Variants in SCEL observed in about 807,000 individuals in gnomAD.
SCEL encodes sciellin.
In SCEL, 113 loss-of-function variants were observed where a neutral mutation model predicts 117.6. That is an observed-to-expected ratio of 0.96 (90% CI 0.83 to 1.12). SCEL has a LOEUF of 1.12. Ranked by LOEUF, SCEL falls within the 50% of genes most tolerant of loss-of-function variation. The pLI, the probability that SCEL is intolerant of heterozygous loss-of-function variation, is 0.00. For missense variants in SCEL, 785 were observed against 810.8 expected, an observed-to-expected ratio of 0.97 and a Z score of 0.39; for synonymous variants, 270 against 256.2, an observed-to-expected ratio of 1.05 and a Z score of -0.51.
intron 13 of SCEL, 75 bp downstream of exon 13, chr13:77,597,664 C>A: frequency 2.7e-6 from 2 of 743,158 alleles, no homozygotes. Context: ...AGTCTTTGAG[C>A]GTGAGGACCC....
chr13:77,640,106 G>A (rs912476646), intron 30 of SCEL, among the ~76,000 whole-genome samples: 16 of 152,116 alleles, frequency 1.1e-4, no homozygotes, highest in Admixed American at 3.3e-4. Flanking sequence ...ATTTTGTCAC[G>A]ATAGGTATCC....
intron 8 of SCEL, 22 bp downstream of exon 8, chr13:77,569,473 T>C (rs2085474179): frequency 6.4e-7 from 1 of 1,565,166 alleles, no homozygotes; most frequent in Non-Finnish European, 8.8e-7. Flanking sequence ...TCACTGTGTC[T>C]ACCTCTTGCT....
rs1308271704 is a variant in SCEL at position 77,541,708 on chromosome 13, T to A, written c.-20+5884T>A. ...CAGTGATTGATTAAAGGTGTCTGAT[T>A]TTTTTTTCCTTTCTTTATGCTTTCT... On this transcript the variant is annotated intron_variant, in intron 1 of 32. Transcript: ENST00000349847. Among the ~76,000 whole-genome samples, 3 of 152,174 alleles carry A rather than the reference T, an allele frequency of 2.0e-5. No homozygotes were observed. In the East Asian group the frequency reaches 5.8e-4, roughly 29 times the overall value.
At chr13:77,589,977 A>T (rs2086778151) in intron 10 of SCEL, among the ~76,000 whole-genome samples, 1 of 152,146 alleles carries the variant, frequency 6.6e-6, no homozygotes, top group Non-Finnish European at 1.5e-5. Flanking sequence ...TTATTGTGAG[A>T]TTAAAAAATA....
chr13:77,563,802 T>A (rs374892543), intron 4 of SCEL, 29 bp from the exon 5 acceptor site: 12 of 1,543,214 alleles, frequency 7.8e-6, no homozygotes, highest in South Asian at 2.4e-5. Context: ...ATTTGATTTT[T>A]TTTTTTTTGG....
At chr13:77,602,395 A>G (rs932032187) in intron 16 of SCEL, 24 of 480,682 alleles carry the variant, frequency 5.0e-5, no homozygotes, top group African/African-American at 4.5e-4. Flanking sequence ...ATTTTAATTT[A>G]AATTAAGAAA....
At chr13:77,553,722 A>G (rs1360125917) in intron 1 of SCEL, among the ~76,000 whole-genome samples, 1 of 151,824 alleles carries the variant, frequency 6.6e-6, no homozygotes, top group Non-Finnish European at 1.5e-5. Context: ...TCTGCTTGTC[A>G]AGGTGATAGA....
At position 77,623,469 on chromosome 13, in the gene SCEL, TTAAATAAA is replaced by T. The variant is rs930556011; in HGVS notation, c.1629-4463_1629-4456del. 3 of 152,100 alleles carry T rather than the reference TTAAATAAA, an allele frequency of 2.0e-5. No homozygotes were observed. The South Asian group carries it at 6.2e-4, about 32-fold the overall frequency. 9.4% of individuals were successfully genotyped at this position (152,100 alleles called of 1,614,324 possible). The stretch of plus-strand genomic sequence containing the variant: ...CTTCCATTGCTTCACTTGACTAGCC[TTAAATAAA>T]TAAATAAATAAATATTACTCTACCA... On this transcript the variant is annotated intron_variant, in intron 27 of 32. Coordinates refer to ENST00000349847, the MANE Select transcript of SCEL (RefSeq NM_144777.3).
chr13:77,597,475 A>T (rs888503586), intron 12 of SCEL, 70 bp from the exon 13 acceptor site: 2 of 840,572 alleles, frequency 2.4e-6, no homozygotes, highest in Non-Finnish European at 3.8e-6. Context: ...CTGTCATTTT[A>T]AGGCAAATTT....
At chr13:77,619,829 T>A in intron 27 of SCEL, among the ~76,000 whole-genome samples, 1 of 152,162 alleles carries the variant, frequency 6.6e-6, no homozygotes, top group East Asian at 1.9e-4. Flanking sequence ...TAACTGACAG[T>A]GAAAAATGTA....
chr13:77,582,775 T>C (rs1359054720), intron 9 of SCEL, among the ~76,000 whole-genome samples: 5 of 152,216 alleles, frequency 3.3e-5, no homozygotes, highest in African/African-American at 1.2e-4. Flanking sequence ...GCTTTTGTTA[T>C]TATGTTTAAG....
At chr13:77,633,442 C>CAAAAAAAAAA (rs59939208) in intron 28 of SCEL, among the ~76,000 whole-genome samples, 366 of 29,970 alleles carry the variant, frequency 0.012, 29 homozygotes, top group East Asian at 0.033. Flanking sequence ...GACTCCGCCT[C>CAAAAAAAAAA]AAAAAAAAAA....
At chr13:77,637,024 A>C in intron 29 of SCEL, 96 bp from the exon 30 acceptor site, 1 of 560,148 alleles carries the variant, frequency 1.8e-6, no homozygotes, top group Non-Finnish European at 3.2e-6. Context: ...ACAAAGATAA[A>C]ATATTATGAG....
At chr13:77,616,002 CTCTGTGTGTG>C (rs1427533361) in intron 24 of SCEL, among the ~76,000 whole-genome samples, 40 of 141,918 alleles carry the variant, frequency 2.8e-4, no homozygotes, top group East Asian at 6.0e-4. Flanking sequence ...ATTTATGTCT[CTCTGTGTGTG>C]TGTGTGTGTG....
At chr13:77,637,629 CA>C (rs2090368097) in intron 30 of SCEL, among the ~76,000 whole-genome samples, 1 of 152,042 alleles carries the variant, frequency 6.6e-6, no homozygotes, top group Admixed American at 6.6e-5. Flanking sequence ...CCTCCCAGGC[CA>C]GCCCCTCTGC....
chr13:77,609,099 C>T lies in SCEL; in HGVS notation c.1259C>T (p.Thr420Ile), dbSNP rs766500859. The change falls in exon 21 of 33, where the codon ACA (threonine) becomes ATA (isoleucine). Residue 420 changes from threonine (T) to isoleucine (I), a missense_variant. Transcript: ENST00000349847. The stretch of plus-strand genomic sequence containing the variant: ...AACTTCATCAAAGTGTATCCAGGAA[C>T]AGAAAAAAGTACTGAAGGGTAAGAT... Reference protein sequence around the residue: ...LNNFIKVYPGTEKSTEGGQSL... With the variant: ...LNNFIKVYPGIEKSTEGGQSL... 1.3e-6 allele frequency: 2 copies of T among 1,595,986 alleles called. No individual in the cohort carries two copies. Among genetic ancestry groups the T allele is most frequent in the Admixed American group, 3.7e-5 (2 of 54,540 alleles).
intron 29 of SCEL, among the ~76,000 whole-genome samples, chr13:77,634,843 A>G (rs2090199091): frequency 6.6e-6 from 1 of 152,228 alleles, no homozygotes; most frequent in African/African-American, 2.4e-5. Flanking sequence ...AATCTAAAAT[A>G]AGGGGTATAA....
chr13:77,593,809 G>C (rs575418752), intron 12 of SCEL, among the ~76,000 whole-genome samples: 1 of 152,238 alleles, frequency 6.6e-6, no homozygotes, highest in South Asian at 2.1e-4. Flanking sequence ...TACTCACCCA[G>C]TGACCTCAGC....
chr13:77,607,961 G>A, intron 19 of SCEL, 95 bp from the exon 20 acceptor site: 1 of 951,266 alleles, frequency 1.1e-6, no homozygotes. Flanking sequence ...TGTTTACACT[G>A]CTTCTGAGTT....
Sources: gnomAD v4.1 joint callset for allele counts (sites outside exome capture counted in the v4.1 genomes callset) on GRCh38, gnomAD v4.1.1 for gene constraint, MANE v1.5 for transcripts, NCBI Gene and HGNC (gene_info 2026-07-23, HGNC 2026-07-21) for gene names.